Variants in SHB observed in about 807,000 individuals in gnomAD.
SHB encodes SH2 domain-containing adapter protein B.
In SHB, 20 loss-of-function variants were observed where a neutral mutation model predicts 52.3. The observed-to-expected ratio is 0.38, with a 90% CI of 0.27 to 0.56. The LOEUF is 0.56. Ranked by LOEUF, SHB falls within the 20% of genes least tolerant of loss-of-function variation. The pLI, the probability that SHB is intolerant of heterozygous loss-of-function variation, is 0.71. For missense variants in SHB, 825 were observed against 723.3 expected (o/e 1.14, Z -1.61); for synonymous variants, 397 against 316.5 (o/e 1.25, Z -2.70).
chr9:38,007,994 C>T (rs1821092635), intron 2 of SHB, among the ~76,000 whole-genome samples: 1 of 152,146 alleles, frequency 6.6e-6, no homozygotes, highest in South Asian at 2.1e-4. Context: ...TCTGTGTTCT[C>T]CAAGACCAGA....
At chr9:37,920,638 C>T (rs1017682362) in intron 5 of SHB, among the ~76,000 whole-genome samples, 7 of 152,326 alleles carry the variant, frequency 4.6e-5, no homozygotes, top group African/African-American at 1.4e-4. Context: ...GTCTGTACTA[C>T]CTGCCCTTCT....
chr9:37,987,148 C>A (rs1306060812), intron 2 of SHB, among the ~76,000 whole-genome samples: 3 of 152,214 alleles, frequency 2.0e-5, no homozygotes, highest in Non-Finnish European at 4.4e-5. Context: ...GCAGCCAGGC[C>A]CCTCCCCGCC....
intron 5 of SHB, among the ~76,000 whole-genome samples, chr9:37,920,716 C>A (rs1268282186): frequency 6.6e-6 from 1 of 152,222 alleles, no homozygotes; most frequent in African/African-American, 2.4e-5. Context: ...CAGGCTCCCA[C>A]AGGCAGAGCT....
intron 1 of SHB, among the ~76,000 whole-genome samples, chr9:38,025,199 G>C (rs950536119): frequency 6.6e-6 from 1 of 152,174 alleles, no homozygotes; most frequent in Non-Finnish European, 1.5e-5. Context: ...ACCCATCGCT[G>C]TGGACAGCTC....
chr9:38,015,589 T>G, intron 2 of SHB: 2 of 635,708 alleles, frequency 3.1e-6, no homozygotes, highest in South Asian at 3.6e-5. Context: ...GCCAGCTCTC[T>G]TCTACTAAGC....
At chr9:37,943,887 G>C (rs764292641) in intron 5 of SHB, among the ~76,000 whole-genome samples, 33 of 152,204 alleles carry the variant, frequency 2.2e-4, no homozygotes, top group Non-Finnish European at 1.5e-5. Context: ...TCATTCGCAG[G>C]CCAAAGTGCC....
chr9:37,973,411 T>C (rs750732706), intron 3 of SHB, among the ~76,000 whole-genome samples: 1 of 152,024 alleles, frequency 6.6e-6, no homozygotes, highest in Non-Finnish European at 1.5e-5. Flanking sequence ...TTAGTAGAGA[T>C]AGGGTTTCTC....
chr9:38,026,195 T>G (rs1380073934), intron 1 of SHB, among the ~76,000 whole-genome samples: 1 of 152,242 alleles, frequency 6.6e-6, no homozygotes, highest in Non-Finnish European at 1.5e-5. Flanking sequence ...AGGCCTTTCC[T>G]GTGCAATGTG....
intron 1 of SHB, among the ~76,000 whole-genome samples, chr9:38,056,910 C>T (rs1821828699): frequency 6.6e-6 from 1 of 152,212 alleles, no homozygotes; most frequent in African/African-American, 2.4e-5. Flanking sequence ...ATGGTCAACA[C>T]ACATTTGCAC....
At chr9:37,951,499 G>T (rs1832566193) in intron 4 of SHB, among the ~76,000 whole-genome samples, 1 of 152,206 alleles carries the variant, frequency 6.6e-6, no homozygotes, top group Non-Finnish European at 1.5e-5. Flanking sequence ...TCCTCTGGGA[G>T]ATTTCACTGT....
chr9:38,035,549 G>T (rs1821475295), intron 1 of SHB, among the ~76,000 whole-genome samples: 1 of 152,098 alleles, frequency 6.6e-6, no homozygotes, highest in African/African-American at 2.4e-5. Context: ...TTCCCCAGTG[G>T]CATGTGAAAG....
rs1202538049 is a variant in SHB, at chr9:38,068,024, G to C, written c.622C>G (p.Arg208Gly). 9.9e-6 allele frequency: 15 copies of C among 1,510,402 alleles called. No homozygotes were observed. Among genetic ancestry groups the C allele is most frequent in the Non-Finnish European group, 2.6e-6 (3 of 1,137,634 alleles). 93.6% of individuals were successfully genotyped at this position (1,510,402 alleles called of 1,614,324 possible). A position where few individuals can be genotyped will look rare whatever the true frequency, so the allele number is the denominator to read the frequency against. The change falls in exon 1 of 6, where the codon CGC becomes GGC. Residue 208 changes from arginine to glycine, a missense_variant. Arg to Gly is a moderately radical substitution (Grantham distance 125). Coordinates refer to ENST00000377707, the MANE Select transcript of SHB (RefSeq NM_003028.3). ...CCGCAGGCCGTCGGGCTCCAGGTGC[G>C]GCCGCCCGCGCAGGCGCCCCCCAGG... is the stretch of plus-strand genomic sequence containing the variant. ...DPLGGACAGGRTWSPTACGGK... is the reference protein window; with the variant it reads ...DPLGGACAGGGTWSPTACGGK...
chr9:37,929,255 G>A (rs981326166), intron 5 of SHB, among the ~76,000 whole-genome samples: 1 of 152,238 alleles, frequency 6.6e-6, no homozygotes, highest in Non-Finnish European at 1.5e-5. Flanking sequence ...AGGTGCCGCC[G>A]AGTATGCAGG....
chr9:38,039,175 C>G (rs1338072564), intron 1 of SHB, among the ~76,000 whole-genome samples: 1 of 152,156 alleles, frequency 6.6e-6, no homozygotes, highest in Non-Finnish European at 1.5e-5. Context: ...GATAAAGTGC[C>G]CTGTCAGATA....
At chr9:37,920,600 G>A (rs1463495799) in intron 5 of SHB, among the ~76,000 whole-genome samples, 1 of 152,234 alleles carries the variant, frequency 6.6e-6, no homozygotes, top group Non-Finnish European at 1.5e-5. Flanking sequence ...CATGTGACTT[G>A]GCTTAGCCAC....
At chr9:38,065,904 C>T (rs955495059) in intron 1 of SHB, among the ~76,000 whole-genome samples, 2 of 151,828 alleles carry the variant, frequency 1.3e-5, no homozygotes, top group Non-Finnish European at 2.9e-5. Context: ...TGGTGACCAC[C>T]CCTCCCTCAC....
At chr9:38,065,933 A>C (rs951734010) in intron 1 of SHB, among the ~76,000 whole-genome samples, 3 of 151,956 alleles carry the variant, frequency 2.0e-5, no homozygotes, top group African/African-American at 7.3e-5. Context: ...CCCTGCCTCC[A>C]AGGTGCACTC....
intron 2 of SHB, 70 bp downstream of exon 2, chr9:38,015,941 G>A (rs574011864): frequency 4.9e-5 from 75 of 1,533,464 alleles, no homozygotes; most frequent in South Asian, 8.4e-5. Flanking sequence ...GGGACCACCC[G>A]GCAGTGCCCT....
chr9:38,044,267 G>A (rs1465495687), intron 1 of SHB, among the ~76,000 whole-genome samples: 1 of 152,336 alleles, frequency 6.6e-6, no homozygotes, highest in Non-Finnish European at 1.5e-5. Context: ...ACCTGTCCTG[G>A]AGTCCCACTG....
Sources: allele counts gnomAD v4.1 joint callset (sites outside exome capture counted in the v4.1 genomes callset), GRCh38; gene constraint gnomAD v4.1.1; transcripts MANE v1.5; gene names NCBI Gene and HGNC (gene_info 2026-07-23, HGNC 2026-07-21).